Variants in EXOC4 observed in about 807,000 individuals in gnomAD.
EXOC4 encodes SEC8-like 1.
Under a neutral mutation model 107.2 loss-of-function variants are expected in EXOC4, and 71 were observed. The observed-to-expected ratio is 0.66, with a 90% CI of 0.55 to 0.81. EXOC4 has a LOEUF of 0.81. Among genes scored for constraint, EXOC4 ranks in the 30% least tolerant of loss-of-function variants. The pLI, the probability that EXOC4 is intolerant of heterozygous loss-of-function variation, is 0.00. For missense variants in EXOC4, 1,108 were observed against 1,189.6 expected (o/e 0.93, Z 1.01); for synonymous variants, 456 against 441.2 (o/e 1.03, Z -0.42).
intron 11 of EXOC4, among the ~76,000 whole-genome samples, chr7:133,890,388 A>G (rs1799180153): frequency 1.5e-5 from 1 of 67,450 alleles, no homozygotes; most frequent in Admixed American, 1.2e-4. Flanking sequence ...GTTCACTCTG[A>G]TGGTAGTTTC....
intron 4 of EXOC4, among the ~76,000 whole-genome samples, chr7:133,311,931 T>C (rs958348795): frequency 2.0e-5 from 3 of 152,142 alleles, no homozygotes; most frequent in African/African-American, 7.2e-5. Flanking sequence ...ATCAAAGACA[T>C]TGATAGCATG....
At chr7:133,973,625 A>G (rs1793754275) in intron 14 of EXOC4, among the ~76,000 whole-genome samples, 2 of 152,210 alleles carry the variant, frequency 1.3e-5, no homozygotes, top group South Asian at 2.1e-4. Context: ...ATTTTAGACT[A>G]AAAGAGACAT....
chr7:134,067,638 T>C (rs12155458), downstream of EXOC4, among the ~76,000 whole-genome samples: 107,122 of 131,582 alleles, frequency 0.81, 41,757 homozygotes, highest in African/African-American at 0.91. Context: ...TATATATATA[T>C]ACACACACAC....
intron 10 of EXOC4, among the ~76,000 whole-genome samples, chr7:133,719,847 A>T (rs1795070902): frequency 6.6e-6 from 1 of 152,154 alleles, no homozygotes; most frequent in South Asian, 2.1e-4. Context: ...CTTGTTCAAC[A>T]TTCTGTTTTC....
chr7:133,325,439 G>A (rs1231652803), intron 5 of EXOC4, among the ~76,000 whole-genome samples: 1 of 152,152 alleles, frequency 6.6e-6, no homozygotes, highest in East Asian at 1.9e-4. Context: ...TTGCTTGTCT[G>A]TAAAGGATTT....
Position 133,937,922 on chromosome 7 carries a change from A to T in EXOC4, c.2059A>T (p.Ile687Phe). 6.2e-7 allele frequency: 1 copy of T among 1,614,160 alleles called. No homozygotes were observed. The highest frequency in any genetic ancestry group is 8.5e-7 in the Non-Finnish European group (1 of 1,180,018). Residue 687 changes from isoleucine (I) to phenylalanine (F), a missense_variant, in exon 14 of 18, where the codon ATT (isoleucine) becomes TTT (phenylalanine). By Grantham distance (21) the Ile-to-Phe change is conservative. Coordinates refer to ENST00000253861, the MANE Select transcript of EXOC4 (RefSeq NM_021807.4). ...TTTTGGCAAGGAGTCTGAAGTTCTTATTGGGAACCTGGGTGATAAATTAAT... is the reference window on the plus strand; with the variant it reads ...TTTTGGCAAGGAGTCTGAAGTTCTTTTTGGGAACCTGGGTGATAAATTAAT... ...AAFGKESEVL[I>F]GNLGDKLIPP... is the part of the protein sequence containing the mutation.
rs200236299 is a variant in EXOC4, at chr7:133,686,186, A to T, written c.1514+56045A>T. ...CCTCATGACTCTGCAGAAAGTCCTC[A>T]CCAGATGTAGCCCCTTGACCTTGGA... On this transcript the variant is annotated intron_variant, in intron 10 of 17. Coordinates refer to ENST00000253861, the MANE Select transcript of EXOC4 (RefSeq NM_021807.4). Among the ~76,000 whole-genome samples, 27 of 152,236 alleles carry T rather than the reference A, an allele frequency of 1.8e-4. No homozygotes were observed. The East Asian group carries it at 4.8e-3, about 27-fold the overall frequency.
intron 10 of EXOC4, among the ~76,000 whole-genome samples, chr7:133,671,972 A>C (rs1793956479): frequency 6.6e-6 from 1 of 152,162 alleles, no homozygotes; most frequent in Non-Finnish European, 1.5e-5. Flanking sequence ...CATGACACTA[A>C]AATTCGTAAA....
intron 13 of EXOC4, among the ~76,000 whole-genome samples, chr7:133,919,550 G>A (rs922537308): frequency 1.7e-4 from 26 of 152,032 alleles, no homozygotes; most frequent in African/African-American, 6.3e-4. Flanking sequence ...TCCCTCAACA[G>A]CCTGAACCCC....
At chr7:133,427,698 T>C (rs1221189311) in intron 7 of EXOC4, among the ~76,000 whole-genome samples, 42 of 152,204 alleles carry the variant, frequency 2.8e-4, no homozygotes, top group Non-Finnish European at 4.4e-5. Flanking sequence ...GCATGAACTC[T>C]CTTTGCCGGT....
At chr7:133,302,765 A>G (rs753146141) in intron 3 of EXOC4, among the ~76,000 whole-genome samples, 6 of 152,040 alleles carry the variant, frequency 3.9e-5, no homozygotes, top group Non-Finnish European at 7.4e-5. Context: ...TATAGCAGCT[A>G]CCTACCCTGT....
chr7:133,547,090 C>T (rs1366537902), intron 9 of EXOC4, among the ~76,000 whole-genome samples: 1 of 152,088 alleles, frequency 6.6e-6, no homozygotes, highest in Non-Finnish European at 1.5e-5. Flanking sequence ...TTGTTCAGTT[C>T]ATACTTATAT....
At chr7:133,960,061 A>G (rs1800907452) in intron 14 of EXOC4, among the ~76,000 whole-genome samples, 2 of 152,322 alleles carry the variant, frequency 1.3e-5, no homozygotes, top group African/African-American at 4.8e-5. Context: ...TGATCATGAC[A>G]GGATATGCCA....
chr7:133,673,108 T>C (rs951853891), intron 10 of EXOC4, among the ~76,000 whole-genome samples: 3 of 152,192 alleles, frequency 2.0e-5, no homozygotes, highest in African/African-American at 7.2e-5. Context: ...TTAGAGGAGC[T>C]GGATTGGAGA....
At chr7:133,925,855 G>A (rs1434063677) in intron 13 of EXOC4, among the ~76,000 whole-genome samples, 1 of 151,920 alleles carries the variant, frequency 6.6e-6, no homozygotes, top group Non-Finnish European at 1.5e-5. Context: ...GACCAAAATG[G>A]TGAAACCCCG....
chr7:133,820,176 T>G (rs1325055570), intron 11 of EXOC4, among the ~76,000 whole-genome samples: 1 of 149,190 alleles, frequency 6.7e-6, no homozygotes, highest in Non-Finnish European at 1.5e-5. Context: ...TTTTTTTTTT[T>G]TGGTGATTAT....
At chr7:133,971,740 C>G (rs892609760) in intron 14 of EXOC4, among the ~76,000 whole-genome samples, 19 of 152,092 alleles carry the variant, frequency 1.2e-4, no homozygotes, top group Non-Finnish European at 2.8e-4. Flanking sequence ...TGTACACACA[C>G]CAAGAAGGAC....
intron 9 of EXOC4, among the ~76,000 whole-genome samples, chr7:133,490,727 G>T (rs1799356222): frequency 6.6e-6 from 1 of 152,120 alleles, no homozygotes; most frequent in African/African-American, 2.4e-5. Context: ...AAGAGATTAA[G>T]AATTGATAAG....
At chr7:133,641,120 T>A (rs1802843742) in intron 10 of EXOC4, among the ~76,000 whole-genome samples, 1 of 152,190 alleles carries the variant, frequency 6.6e-6, no homozygotes, top group Non-Finnish European at 1.5e-5. Flanking sequence ...AAGAACCAGA[T>A]GCAGAATTAT....
Sources: gnomAD v4.1 joint callset for allele counts (sites outside exome capture counted in the v4.1 genomes callset) on GRCh38, gnomAD v4.1.1 for gene constraint, MANE v1.5 for transcripts, NCBI Gene and HGNC (gene_info 2026-07-23, HGNC 2026-07-21) for gene names.